The following GALNTL6 variants were observed in gnomAD, a reference collection of about 807,000 sequenced individuals.
The protein encoded by GALNTL6 is polypeptide N-acetylgalactosaminyltransferase-like 6.
Under a neutral mutation model 73.7 loss-of-function variants are expected in GALNTL6, and 46 were observed. That is an observed-to-expected ratio of 0.62 (90% CI 0.49 to 0.80). GALNTL6 has a LOEUF of 0.80. Among genes scored for constraint, GALNTL6 ranks in the 30% least tolerant of loss-of-function variants. The pLI, the probability that GALNTL6 is intolerant of heterozygous loss-of-function variation, is 0.00. For missense variants in GALNTL6, 604 were observed against 755.0 expected (o/e 0.80, Z 2.34); for synonymous variants, 259 against 263.7 (o/e 0.98, Z 0.17).
At chr4:171,850,295 G>A (rs181611006) in intron 2 of GALNTL6, among the ~76,000 whole-genome samples, 121 of 152,094 alleles carry the variant, frequency 8.0e-4, no homozygotes, top group Non-Finnish European at 1.3e-3. Context: ...GCATCAAAAC[G>A]TAAAGTAGGG....
At chr4:172,605,929 G>C (rs4476577) in intron 5 of GALNTL6, among the ~76,000 whole-genome samples, 69,495 of 151,848 alleles carry the variant, frequency 0.46, 17,750 homozygotes, top group East Asian at 0.68. Flanking sequence ...CCACCATACA[G>C]GAGCTGAAGA....
At chr4:172,307,902 A>G (rs1421079941) in intron 3 of GALNTL6, among the ~76,000 whole-genome samples, 3 of 143,784 alleles carry the variant, frequency 2.1e-5, no homozygotes, top group African/African-American at 7.6e-5. Context: ...GAATTATAGT[A>G]TTTTGATTGG....
At chr4:171,924,395 T>C (rs1737909018) in intron 2 of GALNTL6, among the ~76,000 whole-genome samples, 1 of 152,112 alleles carries the variant, frequency 6.6e-6, no homozygotes, top group Non-Finnish European at 1.5e-5. Context: ...GGGAGCTAGT[T>C]ACAGGCAAAA....
chr4:173,019,864 C>T (rs963062525), intron 11 of GALNTL6, among the ~76,000 whole-genome samples: 2 of 152,210 alleles, frequency 1.3e-5, no homozygotes, highest in Non-Finnish European at 2.9e-5. Context: ...TGTTAGCCAT[C>T]CCTGGAATTT....
At chr4:172,747,874 A>G (rs181735568) in intron 5 of GALNTL6, among the ~76,000 whole-genome samples, 242 of 150,334 alleles carry the variant, frequency 1.6e-3, no homozygotes, top group Non-Finnish European at 2.9e-3. Flanking sequence ...ACATGTCATC[A>G]TTTGTGACAA....
At chr4:171,865,419 T>C (rs1031281253) in intron 2 of GALNTL6, among the ~76,000 whole-genome samples, 1 of 152,126 alleles carries the variant, frequency 6.6e-6, no homozygotes. Context: ...ATAGAAAAAC[T>C]GAATTGATCA....
intron 5 of GALNTL6, among the ~76,000 whole-genome samples, chr4:172,747,849 A>T (rs1236067284): frequency 6.6e-6 from 1 of 151,566 alleles, no homozygotes; most frequent in Non-Finnish European, 1.5e-5. Context: ...AAAAAAAAAA[A>T]AGCCACAGGA....
At chr4:171,957,819 C>T (rs1739097445) in intron 2 of GALNTL6, among the ~76,000 whole-genome samples, 1 of 152,092 alleles carries the variant, frequency 6.6e-6, no homozygotes, top group South Asian at 2.1e-4. Flanking sequence ...AGTAACTGAC[C>T]TGTTCAGATG....
intron 5 of GALNTL6, among the ~76,000 whole-genome samples, chr4:172,558,460 T>C (rs1369213871): frequency 6.6e-6 from 1 of 152,072 alleles, no homozygotes; most frequent in African/African-American, 2.4e-5. Context: ...ACTGGTGTCC[T>C]TACAAGAAGA....
At chr4:172,620,595 A>C (rs2111070355) in intron 5 of GALNTL6, among the ~76,000 whole-genome samples, 1 of 152,328 alleles carries the variant, frequency 6.6e-6, no homozygotes, top group East Asian at 1.9e-4. Flanking sequence ...TTTATCCATC[A>C]AACAAAATTT....
intron 2 of GALNTL6, among the ~76,000 whole-genome samples, chr4:172,224,655 G>A (rs1165050732): frequency 6.6e-6 from 1 of 152,102 alleles, no homozygotes; most frequent in African/African-American, 2.4e-5. Flanking sequence ...CTAAAAGTTT[G>A]TAACAGTAGC....
chr4:172,267,618 T>C (rs1738492401), intron 3 of GALNTL6, among the ~76,000 whole-genome samples: 1 of 152,062 alleles, frequency 6.6e-6, no homozygotes, highest in Non-Finnish European at 1.5e-5. Context: ...GTGAATAAGG[T>C]TAACAAATGA....
chr4:172,363,230 T>C (rs1270883779), intron 5 of GALNTL6, among the ~76,000 whole-genome samples: 1 of 152,140 alleles, frequency 6.6e-6, no homozygotes, highest in African/African-American at 2.4e-5. Context: ...GTTTTCACTA[T>C]CTGAAATGTG....
intron 5 of GALNTL6, among the ~76,000 whole-genome samples, chr4:172,537,619 A>G (rs1735392147): frequency 6.6e-6 from 1 of 152,188 alleles, no homozygotes; most frequent in African/African-American, 2.4e-5. Context: ...ACAGACTAAT[A>G]CAATTAGTGA....
chr4:172,640,750 C>T (rs1739937375), intron 5 of GALNTL6, among the ~76,000 whole-genome samples: 1 of 152,116 alleles, frequency 6.6e-6, no homozygotes, highest in South Asian at 2.1e-4. Flanking sequence ...GAAGGCCCTG[C>T]CTCCAAAGGT....
chr4:172,452,605 G>C (rs1732253325), intron 5 of GALNTL6, among the ~76,000 whole-genome samples: 1 of 152,128 alleles, frequency 6.6e-6, no homozygotes, highest in Non-Finnish European at 1.5e-5. Flanking sequence ...AGATGAAGCT[G>C]CTCCTATGAG....
intron 5 of GALNTL6, among the ~76,000 whole-genome samples, chr4:172,536,496 G>C (rs1198370219): frequency 6.6e-6 from 1 of 152,098 alleles, no homozygotes; most frequent in Admixed American, 6.6e-5. Context: ...GGAATGTTTT[G>C]GGAAGTGGAA....
intron 5 of GALNTL6, among the ~76,000 whole-genome samples, chr4:172,556,850 T>C (rs1736162861): frequency 6.6e-6 from 1 of 152,024 alleles, no homozygotes; most frequent in African/African-American, 2.4e-5. Flanking sequence ...ACCCTTGAAC[T>C]TGGGAACACA....
At chr4:172,974,075 T>C (rs1043454872) in intron 10 of GALNTL6, among the ~76,000 whole-genome samples, 2 of 152,254 alleles carry the variant, frequency 1.3e-5, no homozygotes, top group African/African-American at 2.4e-5. Flanking sequence ...TTTTTGGTGA[T>C]ATTGTAGGTA....
Sources: allele counts gnomAD v4.1 joint callset (sites outside exome capture counted in the v4.1 genomes callset), GRCh38; gene constraint gnomAD v4.1.1; transcripts MANE v1.5; gene names NCBI Gene and HGNC (gene_info 2026-07-23, HGNC 2026-07-21).